DPP10: variants seen among roughly 807,000 people sequenced by gnomAD.
DPP10 encodes dipeptidyl peptidase like 10, also known as inactive dipeptidyl peptidase 10.
In DPP10, 33 loss-of-function variants were observed where a neutral mutation model predicts 120.9. The ratio of observed to expected loss-of-function variants is 0.27; its 90% CI spans 0.21 to 0.37. DPP10 has a LOEUF of 0.37. Ranked by LOEUF, DPP10 falls within the 10% of genes least tolerant of loss-of-function variation. The pLI is 1.00. For missense variants in DPP10, 816 were observed against 942.8 expected (o/e 0.87, Z 1.76); for synonymous variants, 337 against 326.1 (o/e 1.03, Z -0.36).
intron 1 of DPP10, among the ~76,000 whole-genome samples, chr2:114,979,862 T>C (rs1699976835): frequency 6.6e-6 from 1 of 152,100 alleles, no homozygotes; most frequent in African/African-American, 2.4e-5. Context: ...CTTTATGATA[T>C]ACATGGGCCA....
At chr2:114,777,325 G>A (rs1447513975) in intron 1 of DPP10, among the ~76,000 whole-genome samples, 1 of 152,086 alleles carries the variant, frequency 6.6e-6, no homozygotes, top group Non-Finnish European at 1.5e-5. Context: ...TTTTTGAACT[G>A]CCCATGGATT....
intron 5 of DPP10, among the ~76,000 whole-genome samples, chr2:115,566,432 T>C (rs1296567526): frequency 1.3e-5 from 2 of 152,082 alleles, no homozygotes; most frequent in African/African-American, 4.8e-5. Flanking sequence ...TTCATTCATG[T>C]GTTTATTTAT....
Position 115,043,532 on chromosome 2 carries a change from G to A in DPP10, c.61-265707G>A, listed in dbSNP as rs961157137. 7.2e-5 allele frequency among the ~76,000 whole-genome samples: 11 copies of A among 152,236 alleles called. No homozygotes were observed. In the East Asian group the frequency reaches 7.7e-4, roughly 11 times the overall value. On this transcript the variant is annotated intron_variant, in intron 1 of 25. Coordinates refer to ENST00000410059, the MANE Select transcript of DPP10 (RefSeq NM_020868.6). ...TAACTTTCAGTGGCTGATGCCTACC[G>A]TAAATAACTACCACAGATTACATAG...
intron 1 of DPP10, among the ~76,000 whole-genome samples, chr2:114,638,784 G>C (rs1010931705): frequency 6.6e-6 from 1 of 151,800 alleles, no homozygotes; most frequent in Admixed American, 6.6e-5. Context: ...TCCAATTACT[G>C]TGTATATATC....
chr2:115,745,283 A>G (rs747382210), intron 9 of DPP10, among the ~76,000 whole-genome samples: 1 of 150,636 alleles, frequency 6.6e-6, no homozygotes, highest in Non-Finnish European at 1.5e-5. Flanking sequence ...GAATGTTTAT[A>G]TCTTACGACT....
intron 1 of DPP10, among the ~76,000 whole-genome samples, chr2:114,510,236 C>G (rs1684015815): frequency 6.6e-6 from 1 of 152,204 alleles, no homozygotes; most frequent in Admixed American, 6.5e-5. Flanking sequence ...CCTTTCACCA[C>G]TTCCTTTTCT....
At chr2:114,445,597 G>A (rs1463456936) in intron 1 of DPP10, among the ~76,000 whole-genome samples, 1 of 149,344 alleles carries the variant, frequency 6.7e-6, no homozygotes, top group Admixed American at 6.7e-5. Context: ...TCCACTTGAA[G>A]TTCAAGAAGT....
intron 1 of DPP10, among the ~76,000 whole-genome samples, chr2:114,497,446 G>T (rs1370951556): frequency 2.7e-5 from 4 of 149,158 alleles, no homozygotes; most frequent in Admixed American, 2.0e-4. Flanking sequence ...CATATATATA[G>T]ATGCATCTAT....
At chr2:115,108,566 C>T (rs1166824745) in intron 1 of DPP10, among the ~76,000 whole-genome samples, 1 of 152,138 alleles carries the variant, frequency 6.6e-6, no homozygotes, top group Non-Finnish European at 1.5e-5. Context: ...CTCTTGGAGA[C>T]ATTTGGCCTA....
intron 3 of DPP10, among the ~76,000 whole-genome samples, chr2:115,474,324 C>T (rs2074930390): frequency 6.6e-6 from 1 of 152,154 alleles, no homozygotes; most frequent in Admixed American, 6.5e-5. Flanking sequence ...GACACGAGTC[C>T]TCTGTCCTCT....
chr2:114,559,236 A>C (rs1688560650), intron 1 of DPP10, among the ~76,000 whole-genome samples: 1 of 152,172 alleles, frequency 6.6e-6, no homozygotes, highest in African/African-American at 2.4e-5. Flanking sequence ...ATTATCCTGG[A>C]TTGTACTGTT....
chr2:115,623,136 T>C (rs1291052884), intron 5 of DPP10, among the ~76,000 whole-genome samples: 1 of 152,162 alleles, frequency 6.6e-6, no homozygotes, highest in African/African-American at 2.4e-5. Context: ...TGAGCCACCG[T>C]GCCCGGCTCC....
At chr2:115,527,145 A>G (rs2078179546) in intron 5 of DPP10, among the ~76,000 whole-genome samples, 1 of 152,266 alleles carries the variant, frequency 6.6e-6, no homozygotes, top group East Asian at 1.9e-4. Context: ...GAGCTATTGT[A>G]ATGAAGACTG....
At chr2:115,649,713 A>C (rs553252092) in intron 5 of DPP10, among the ~76,000 whole-genome samples, 3 of 152,232 alleles carry the variant, frequency 2.0e-5, no homozygotes, top group Admixed American at 2.0e-4. Context: ...GCCCTATATT[A>C]TGTAGTCAGA....
At chr2:114,546,148 G>C (rs1179627997) in intron 1 of DPP10, among the ~76,000 whole-genome samples, 1 of 151,738 alleles carries the variant, frequency 6.6e-6, no homozygotes, top group Non-Finnish European at 1.5e-5. Flanking sequence ...AAATACCTGA[G>C]ACTGAGTAAC....
At chr2:115,814,340 C>T (rs1462154206) in intron 19 of DPP10, among the ~76,000 whole-genome samples, 1 of 151,958 alleles carries the variant, frequency 6.6e-6, no homozygotes, top group Non-Finnish European at 1.5e-5. Context: ...TGTACATTTC[C>T]TGTTAAATTA....
intron 1 of DPP10, among the ~76,000 whole-genome samples, chr2:115,167,110 CA>C (rs1247566567): frequency 6.6e-6 from 1 of 152,174 alleles, no homozygotes; most frequent in East Asian, 1.9e-4. Context: ...TTCCCCATTT[CA>C]CCTGTGAATG....
At chr2:115,625,342 G>C (rs539313989) in intron 5 of DPP10, among the ~76,000 whole-genome samples, 48 of 152,232 alleles carry the variant, frequency 3.2e-4, no homozygotes, top group African/African-American at 1.1e-3. Context: ...AAGAGTTATA[G>C]TGTGCTAAGG....
chr2:114,850,175 C>T (rs1326834442), intron 1 of DPP10, among the ~76,000 whole-genome samples: 1 of 151,894 alleles, frequency 6.6e-6, no homozygotes, highest in African/African-American at 2.4e-5. Context: ...TGCACACCAC[C>T]GTGCCTGACT....
Sources: allele counts gnomAD v4.1 joint callset (sites outside exome capture counted in the v4.1 genomes callset), GRCh38; gene constraint gnomAD v4.1.1; transcripts MANE v1.5; gene names NCBI Gene and HGNC (gene_info 2026-07-23, HGNC 2026-07-21).